CAMK2A: variants seen among roughly 807,000 people sequenced by gnomAD.
The protein encoded by CAMK2A is calcium/calmodulin dependent protein kinase II alpha.
In CAMK2A, 7 loss-of-function variants were observed where a neutral mutation model predicts 79.2. The observed-to-expected ratio is 0.09, with a 90% CI of 0.05 to 0.17. CAMK2A has a LOEUF of 0.17. Among genes scored for constraint, CAMK2A ranks in the 10% least tolerant of loss-of-function variants. The pLI, the probability that CAMK2A is intolerant of heterozygous loss-of-function variation, is 1.00. For missense variants in CAMK2A, 214 were observed against 646.4 expected (o/e 0.33, Z 7.25); for synonymous variants, 242 against 251.7 (o/e 0.96, Z 0.36).
At chr5:150,240,536 C>T (rs1013519796) in intron 13 of CAMK2A, among the ~76,000 whole-genome samples, 6 of 152,210 alleles carry the variant, frequency 3.9e-5, no homozygotes, top group African/African-American at 1.2e-4. Flanking sequence ...GTAGCATCCC[C>T]TGTATTGGCT....
intron 2 of CAMK2A, among the ~76,000 whole-genome samples, chr5:150,271,480 G>A (rs189375797): frequency 5.3e-5 from 8 of 152,312 alleles, no homozygotes; most frequent in Admixed American, 4.6e-4. Flanking sequence ...TGAGCCTCCT[G>A]TACCAGCCAC....
At chr5:150,268,653 G>A (rs1260918209) in intron 2 of CAMK2A, among the ~76,000 whole-genome samples, 1 of 152,230 alleles carries the variant, frequency 6.6e-6, no homozygotes, top group Non-Finnish European at 1.5e-5. Flanking sequence ...CGTTCCCAGG[G>A]CGTGGCATAG....
At chr5:150,269,958 G>A (rs1172125636) in intron 2 of CAMK2A, among the ~76,000 whole-genome samples, 1 of 152,194 alleles carries the variant, frequency 6.6e-6, no homozygotes, top group Non-Finnish European at 1.5e-5. Flanking sequence ...TGTCACTGGG[G>A]AGCCGAGGAA....
chr5:150,231,284 G>A, intron 16 of CAMK2A, 21 bp downstream of exon 16: 1 of 1,498,098 alleles, frequency 6.7e-7, no homozygotes, highest in Non-Finnish European at 9.1e-7. Flanking sequence ...AGGACATGCA[G>A]AATGAGCCCA....
chr5:150,244,522 G>A (rs1433197020), intron 13 of CAMK2A, among the ~76,000 whole-genome samples: 1 of 152,248 alleles, frequency 6.6e-6, no homozygotes, highest in Non-Finnish European at 1.5e-5. Flanking sequence ...AGAGAGCAGA[G>A]GGAGAAGAGA....
intron 2 of CAMK2A, among the ~76,000 whole-genome samples, chr5:150,267,324 C>A (rs1756554011): frequency 6.6e-6 from 1 of 152,142 alleles, no homozygotes; most frequent in African/African-American, 2.4e-5. Context: ...CAAGGTCAGG[C>A]CTGTCAGAGT....
chr5:150,232,800 C>T (rs1373458786), intron 15 of CAMK2A, among the ~76,000 whole-genome samples: 3 of 152,242 alleles, frequency 2.0e-5, no homozygotes, highest in Non-Finnish European at 4.4e-5. Context: ...GAGCACACCT[C>T]AGGCCCAGAG....
chr5:150,269,547 T>C (rs1197450022), intron 2 of CAMK2A, among the ~76,000 whole-genome samples: 2 of 151,476 alleles, frequency 1.3e-5, no homozygotes, highest in Non-Finnish European at 2.9e-5. Flanking sequence ...GGGACGGGGG[T>C]CTCACCATGT....
At chr5:150,240,309 C>G (rs1401509959) in intron 13 of CAMK2A, among the ~76,000 whole-genome samples, 1 of 152,178 alleles carries the variant, frequency 6.6e-6, no homozygotes, top group Non-Finnish European at 1.5e-5. Flanking sequence ...CCATTTTAAA[C>G]AATATCTGCA....
At chr5:150,272,752 G>A (rs918786167) in intron 2 of CAMK2A, among the ~76,000 whole-genome samples, 8 of 151,974 alleles carry the variant, frequency 5.3e-5, no homozygotes, top group Non-Finnish European at 1.2e-4. Context: ...AAGGGTAGAG[G>A]TCTGGAGGGG....
At position 150,278,871 on chromosome 5, in the gene CAMK2A, G is replaced by A. The variant is rs557287381; in HGVS notation, c.63-5712C>T. ...GACAAAGCACACGTATATCACCCTA[G>A]GTATGAGGCGTGCATCCACGTGAGC... On this transcript the variant is annotated intron_variant, in intron 1 of 18. Coordinates refer to ENST00000671881, the MANE Select transcript of CAMK2A (RefSeq NM_015981.4). Among the ~76,000 whole-genome samples the A allele has an allele frequency of 1.7e-3, 259 of 152,260 alleles. 1 individual carries two copies. Among genetic ancestry groups the A allele is most frequent in the African/African-American group, 5.5e-3 (227 of 41,544 alleles).
Position 150,286,465 on chromosome 5 carries a change from T to C in CAMK2A, c.62+3099A>G, listed in dbSNP as rs528111700. Among the ~76,000 whole-genome samples the C allele has an allele frequency of 5.9e-5, 9 of 152,340 alleles. No homozygotes were observed. In the South Asian group the frequency reaches 1.9e-3, roughly 32 times the overall value. ...CCTGCAGTCCTGAGCCAGACCTCACTGGGCAGGATGCCAGAAGCCCTCCAG... is the reference window on the plus strand; with the variant it reads ...CCTGCAGTCCTGAGCCAGACCTCACCGGGCAGGATGCCAGAAGCCCTCCAG... On this transcript the variant is annotated intron_variant, in intron 1 of 18. Transcript: ENST00000671881.
At chr5:150,270,548 G>A (rs1260422416) in intron 2 of CAMK2A, among the ~76,000 whole-genome samples, 1 of 152,200 alleles carries the variant, frequency 6.6e-6, no homozygotes, top group African/African-American at 2.4e-5. Context: ...AGCACCAGCA[G>A]GAGATGCTTA....
At chr5:150,262,786 G>A (rs566017921) in intron 3 of CAMK2A, among the ~76,000 whole-genome samples, 4 of 152,274 alleles carry the variant, frequency 2.6e-5, no homozygotes, top group African/African-American at 9.6e-5. Context: ...CCACTTCATA[G>A]AGGAGGATAC....
chr5:150,251,594 A>G (rs866300902), intron 9 of CAMK2A, among the ~76,000 whole-genome samples, 156 bp downstream of exon 9: 1 of 152,182 alleles, frequency 6.6e-6, no homozygotes, highest in South Asian at 2.1e-4. Flanking sequence ...TAAATCTCCA[A>G]TCATTAGGCA....
At chr5:150,246,725 C>T (rs533789007) in intron 12 of CAMK2A, among the ~76,000 whole-genome samples, 12 of 152,250 alleles carry the variant, frequency 7.9e-5, no homozygotes, top group South Asian at 4.2e-4. Context: ...GGCAGTTTAA[C>T]GAGGTAGGAA....
chr5:150,275,860 C>A (rs1335369688), intron 1 of CAMK2A, among the ~76,000 whole-genome samples: 2 of 152,088 alleles, frequency 1.3e-5, no homozygotes, highest in Non-Finnish European at 2.9e-5. Flanking sequence ...ACTTAAGAGA[C>A]CTTTATGGAG....
At chr5:150,230,673 C>T (rs1212502584) in intron 16 of CAMK2A, among the ~76,000 whole-genome samples, 1 of 152,252 alleles carries the variant, frequency 6.6e-6, no homozygotes, top group Non-Finnish European at 1.5e-5. Context: ...GAGTGAACAG[C>T]ACAGGGTGCT....
At chr5:150,263,437 C>T (rs531012237) in intron 3 of CAMK2A, among the ~76,000 whole-genome samples, 22 of 152,018 alleles carry the variant, frequency 1.4e-4, no homozygotes, top group African/African-American at 5.1e-4. Flanking sequence ...TTCACACACA[C>T]ATTCACACAC....
Sources: gnomAD v4.1 joint callset for allele counts (sites outside exome capture counted in the v4.1 genomes callset) on GRCh38, gnomAD v4.1.1 for gene constraint, MANE v1.5 for transcripts, NCBI Gene and HGNC (gene_info 2026-07-23, HGNC 2026-07-21) for gene names.